GALNT17: variants seen among roughly 807,000 people sequenced by gnomAD.
GALNT17 encodes the protein polypeptide N-acetylgalactosaminyltransferase 17.
Under a neutral mutation model 63.7 loss-of-function variants are expected in GALNT17, and 29 were observed. That is an observed-to-expected ratio of 0.46 (90% CI 0.34 to 0.62). GALNT17 has a LOEUF of 0.62. Among genes scored for constraint, GALNT17 ranks in the 20% least tolerant of loss-of-function variants. The pLI, the probability that GALNT17 is intolerant of heterozygous loss-of-function variation, is 0.01. For synonymous variants in GALNT17, 305 were observed against 318.3 expected (o/e 0.96, Z 0.45); for missense variants, 603 against 799.6 (o/e 0.75, Z 2.97).
At chr7:71,505,263 T>C (rs569375989) in intron 5 of GALNT17, among the ~76,000 whole-genome samples, 1 of 152,214 alleles carries the variant, frequency 6.6e-6, no homozygotes, top group Admixed American at 6.6e-5. Context: ...ATCTCATATC[T>C]TCCCTCTCCT....
At chr7:71,369,131 G>C (rs1046565680) in intron 2 of GALNT17, among the ~76,000 whole-genome samples, 3 of 152,304 alleles carry the variant, frequency 2.0e-5, no homozygotes, top group Non-Finnish European at 4.4e-5. Flanking sequence ...AGAACTCTGT[G>C]CTCTGCACAA....
chr7:71,475,877 G>A (rs1228899440), intron 5 of GALNT17, among the ~76,000 whole-genome samples: 3 of 152,084 alleles, frequency 2.0e-5, no homozygotes, highest in Non-Finnish European at 2.9e-5. Context: ...TCCTAAGTTT[G>A]GACAGTTTTT....
chr7:71,375,607 C>G (rs1792707669), intron 2 of GALNT17, among the ~76,000 whole-genome samples: 1 of 152,054 alleles, frequency 6.6e-6, no homozygotes, highest in Non-Finnish European at 1.5e-5. Context: ...TTTTTAGAGA[C>G]ACGGATCTCC....
At chr7:71,148,538 T>C (rs1304243338) in intron 1 of GALNT17, among the ~76,000 whole-genome samples, 2 of 152,266 alleles carry the variant, frequency 1.3e-5, no homozygotes, top group South Asian at 2.1e-4. Flanking sequence ...AGCATTTGCA[T>C]TGTGAATCCG....
At chr7:71,271,835 C>T (rs555373678) in intron 1 of GALNT17, among the ~76,000 whole-genome samples, 1 of 152,340 alleles carries the variant, frequency 6.6e-6, no homozygotes. Context: ...TCACAGTTCA[C>T]TGCAGCGTCG....
At chr7:71,174,358 C>T (rs1408311624) in intron 1 of GALNT17, among the ~76,000 whole-genome samples, 1 of 152,160 alleles carries the variant, frequency 6.6e-6, no homozygotes, top group African/African-American at 2.4e-5. Flanking sequence ...TGTCAGGGGT[C>T]TGCACATGGT....
chr7:71,570,908 G>A (rs1276219899), intron 5 of GALNT17, among the ~76,000 whole-genome samples: 1 of 152,144 alleles, frequency 6.6e-6, no homozygotes, highest in African/African-American at 2.4e-5. Context: ...AACCTGGGAG[G>A]TGGAGGTTGC....
intron 5 of GALNT17, among the ~76,000 whole-genome samples, chr7:71,539,728 T>G (rs1478582824): frequency 6.9e-6 from 1 of 144,230 alleles, no homozygotes; most frequent in Non-Finnish European, 1.5e-5. Context: ...TTTTTTTTTT[T>G]TTTTGAGGCA....
intron 1 of GALNT17, among the ~76,000 whole-genome samples, chr7:71,320,203 A>G (rs1791579249): frequency 6.6e-6 from 1 of 152,048 alleles, no homozygotes; most frequent in Non-Finnish European, 1.5e-5. Flanking sequence ...GGCAGTCTGC[A>G]TTTGCTGAAC....
At chr7:71,169,190 T>G (rs1252534842) in intron 1 of GALNT17, among the ~76,000 whole-genome samples, 1 of 152,188 alleles carries the variant, frequency 6.6e-6, no homozygotes, top group Non-Finnish European at 1.5e-5. Flanking sequence ...TCTATTAGGT[T>G]GTTGCAAAAG....
At chr7:71,276,240 G>A (rs34084047) in intron 1 of GALNT17, among the ~76,000 whole-genome samples, 56,136 of 151,784 alleles carry the variant, frequency 0.37, 10,777 homozygotes, top group East Asian at 0.59. Context: ...CTGCAGGGGT[G>A]GGGGTGGTCC....
intron 5 of GALNT17, among the ~76,000 whole-genome samples, chr7:71,462,531 G>C (rs1031500004): frequency 6.6e-6 from 1 of 152,224 alleles, no homozygotes; most frequent in African/African-American, 2.4e-5. Context: ...CTCAGGAAGT[G>C]CTGACGGCAT....
intron 5 of GALNT17, among the ~76,000 whole-genome samples, chr7:71,510,526 A>G (rs1200026759): frequency 6.6e-6 from 1 of 152,034 alleles, no homozygotes; most frequent in Non-Finnish European, 1.5e-5. Flanking sequence ...CAGAGTGCAG[A>G]CTCATAGGCC....
chr7:71,196,432 G>A (rs7786589), intron 1 of GALNT17, among the ~76,000 whole-genome samples: 14,740 of 151,998 alleles, frequency 0.097, 1,555 homozygotes, highest in African/African-American at 0.27. Flanking sequence ...GAGCCACCGC[G>A]CCTGGCCCCT....
chr7:71,155,971 C>T (rs1281530562), intron 1 of GALNT17, among the ~76,000 whole-genome samples: 2 of 151,684 alleles, frequency 1.3e-5, no homozygotes, highest in Non-Finnish European at 2.9e-5. Flanking sequence ...CTGAGGCAGG[C>T]AGATCACCTG....
chr7:71,654,888 G>A (rs527365523), intron 6 of GALNT17, among the ~76,000 whole-genome samples: 1 of 152,096 alleles, frequency 6.6e-6, no homozygotes, highest in African/African-American at 2.4e-5. Flanking sequence ...TCCTGGGTTC[G>A]AGCGATTCGT....
intron 8 of GALNT17, among the ~76,000 whole-genome samples, chr7:71,671,640 C>T (rs1467406227): frequency 6.6e-6 from 1 of 152,120 alleles, no homozygotes; most frequent in Non-Finnish European, 1.5e-5. Context: ...GGCAGCCATT[C>T]CCTCATCTAT....
chr7:71,710,635 A>G, intron 9 of GALNT17, 126 bp from the exon 10 acceptor site: 1 of 1,084,912 alleles, frequency 9.2e-7, no homozygotes, highest in East Asian at 2.5e-5. Context: ...ACAGGCTGGG[A>G]TGGTGGCCAG....
intron 5 of GALNT17, among the ~76,000 whole-genome samples, chr7:71,475,318 A>G (rs1787704781): frequency 6.6e-6 from 1 of 151,940 alleles, no homozygotes; most frequent in African/African-American, 2.4e-5. Context: ...GAATTATACA[A>G]CTCACCATAA....
Sources: allele counts gnomAD v4.1 joint callset (sites outside exome capture counted in the v4.1 genomes callset), GRCh38; gene constraint gnomAD v4.1.1; transcripts MANE v1.5; gene names NCBI Gene and HGNC (gene_info 2026-07-23, HGNC 2026-07-21).